The following RARB variants were observed in gnomAD, a reference collection of about 807,000 sequenced individuals.
RARB encodes the protein retinoic acid receptor beta, also known as HBV-activated protein.
In RARB, 17 loss-of-function variants were observed where a neutral mutation model predicts 51.9. The ratio of observed to expected loss-of-function variants is 0.33; its 90% CI spans 0.22 to 0.49. The LOEUF is 0.49. RARB is among the 20% of genes least tolerant of loss of function. The probability of loss-of-function intolerance (pLI) is 0.99; values close to 1 mark genes in which losing one functional copy is unlikely to be tolerated. For synonymous variants in RARB, 215 were observed against 195.4 expected, an observed-to-expected ratio of 1.10 and a Z score of -0.84; for missense variants, 369 against 550.8, an observed-to-expected ratio of 0.67 and a Z score of 3.30.
intron 2 of RARB, among the ~76,000 whole-genome samples, chr3:25,030,800 A>G (rs935019210): frequency 2.0e-5 from 3 of 152,332 alleles, no homozygotes; most frequent in Middle Eastern, 3.4e-3. Flanking sequence ...TCTGGTTTCT[A>G]TAACACTAAA....
At position 25,256,622 on chromosome 3, in the gene RARB, A is replaced by G. The variant is rs1421945358; in HGVS notation, c.178+82047A>G. ...GTTCAGAATTTTTATTTGAGCAAATATAAGTAGAAATGTATGACCAAAACT... is the reference window on the plus strand; with the variant it reads ...GTTCAGAATTTTTATTTGAGCAAATGTAAGTAGAAATGTATGACCAAAACT... On this transcript the variant is annotated intron_variant, in intron 5 of 11. Transcript: ENST00000383772. Among the ~76,000 whole-genome samples, 5 of 152,136 alleles carry G rather than the reference A, an allele frequency of 3.3e-5. No homozygotes were observed. The South Asian group carries it at 6.2e-4, about 19-fold the overall frequency.
chr3:25,002,704 CAT>C (rs1178201058), intron 2 of RARB, among the ~76,000 whole-genome samples: 1 of 151,398 alleles, frequency 6.6e-6, no homozygotes, highest in Admixed American at 6.6e-5. Context: ...CATGTATACA[CAT>C]AAATCTATAT....
At chr3:25,501,616 A>G (rs1443470593) in intron 3 of RARB, among the ~76,000 whole-genome samples, 1 of 152,238 alleles carries the variant, frequency 6.6e-6, no homozygotes, top group East Asian at 1.9e-4. Context: ...CATATTACAC[A>G]GTCACACGGT....
intron 5 of RARB, among the ~76,000 whole-genome samples, chr3:25,232,590 T>A (rs770393907): frequency 4.0e-4 from 61 of 152,154 alleles, no homozygotes; most frequent in Non-Finnish European, 7.8e-4. Context: ...GTCCATATAT[T>A]TTTTATATTT....
rs139416837 is a variant in RARB at position 24,960,856 on chromosome 3, C to G, written c.-379-99269C>G. Reference sequence around the variant, plus strand: ...AGATGTATGATTTCTGGCAGAGTATCTCTTGACATCCACATAAAAATGTTT... The same window carrying G: ...AGATGTATGATTTCTGGCAGAGTATGTCTTGACATCCACATAAAAATGTTT... On this transcript the variant is annotated intron_variant, in intron 2 of 11. Coordinates refer to the RARB transcript ENST00000383772. Among the ~76,000 whole-genome samples the G allele has an allele frequency of 1.4e-3, 219 of 151,724 alleles. No homozygotes were observed. The Middle Eastern group carries it at 0.024, about 16-fold the overall frequency.
chr3:25,365,691 A>T (rs565533887), intron 5 of RARB, among the ~76,000 whole-genome samples: 3 of 152,328 alleles, frequency 2.0e-5, no homozygotes, highest in East Asian at 1.9e-4. Context: ...CGTGTCTGTT[A>T]TCTGGGCTAG....
chr3:25,564,051 A>C (rs1039213229), intron 3 of RARB, among the ~76,000 whole-genome samples: 4 of 151,962 alleles, frequency 2.6e-5, no homozygotes, highest in Admixed American at 6.5e-5. Context: ...TCCTGCATTA[A>C]ATTTTTATTG....
chr3:24,902,032 T>G (rs1046116370), intron 2 of RARB, among the ~76,000 whole-genome samples: 1 of 151,580 alleles, frequency 6.6e-6, no homozygotes. Context: ...ATAACATATA[T>G]GAAAACATAC....
intron 4 of RARB, among the ~76,000 whole-genome samples, chr3:25,149,456 G>T (rs1184154605): frequency 6.6e-6 from 1 of 152,200 alleles, no homozygotes; most frequent in African/African-American, 2.4e-5. Flanking sequence ...GTGGGTGAGT[G>T]ACTTCTCCAA....
chr3:25,157,863 T>C (rs1559486320), intron 4 of RARB, among the ~76,000 whole-genome samples: 1 of 152,240 alleles, frequency 6.6e-6, no homozygotes, highest in Non-Finnish European at 1.5e-5. Context: ...CTCACCTCTT[T>C]ATTTGCACGG....
At chr3:25,463,747 C>T (rs1006884508) in intron 2 of RARB, among the ~76,000 whole-genome samples, 1 of 151,860 alleles carries the variant, frequency 6.6e-6, no homozygotes, top group Admixed American at 6.6e-5. Flanking sequence ...CTTTTCAAAC[C>T]ATTTAAATAA....
chr3:25,329,871 C>T (rs754186064), intron 5 of RARB, among the ~76,000 whole-genome samples: 6 of 152,070 alleles, frequency 3.9e-5, no homozygotes, highest in East Asian at 3.9e-4. Context: ...GATGCATGCA[C>T]AAGCTTCAGT....
intron 4 of RARB, among the ~76,000 whole-genome samples, chr3:25,165,806 T>G (rs1700551877): frequency 6.6e-6 from 1 of 152,208 alleles, no homozygotes. Flanking sequence ...CTATTTACAT[T>G]ACTACTCTCA....
chr3:25,284,095 A>C (rs1047404639), intron 5 of RARB, among the ~76,000 whole-genome samples: 9 of 152,200 alleles, frequency 5.9e-5, no homozygotes, highest in Admixed American at 6.5e-5. Flanking sequence ...TTGATGAAGT[A>C]AACTGCCATG....
chr3:24,899,961 C>A (rs1703565803), intron 2 of RARB, among the ~76,000 whole-genome samples: 1 of 151,862 alleles, frequency 6.6e-6, no homozygotes, highest in Admixed American at 6.6e-5. Flanking sequence ...ACATCATTGG[C>A]ACATTTATAT....
chr3:25,135,173 G>GTAGCCAC (rs1700013545), intron 4 of RARB, among the ~76,000 whole-genome samples: 1 of 151,792 alleles, frequency 6.6e-6, no homozygotes, highest in South Asian at 2.1e-4. Flanking sequence ...CATCGATAGA[G>GTAGCCAC]TAGCCACTAG....
intron 3 of RARB, among the ~76,000 whole-genome samples, chr3:25,131,557 G>C (rs1043025688): frequency 6.6e-6 from 1 of 151,848 alleles, no homozygotes; most frequent in Non-Finnish European, 1.5e-5. Flanking sequence ...AACCTGTCTG[G>C]CATGCTATAA....
chr3:25,192,032 C>A (rs1462300112), intron 5 of RARB, among the ~76,000 whole-genome samples: 1 of 151,964 alleles, frequency 6.6e-6, no homozygotes, highest in Admixed American at 6.6e-5. Context: ...AACAGCTTTG[C>A]AAAAGTGTAA....
chr3:24,897,508 CAAATTCGATAACTGTAAACTAT>C (rs1410370542), intron 2 of RARB, among the ~76,000 whole-genome samples: 1 of 152,106 alleles, frequency 6.6e-6, no homozygotes, highest in East Asian at 1.9e-4. Flanking sequence ...TTCTTCCTTT[CAAATTCGATAACTGTAAACTAT>C]AAAAGTATAG....
Sources: gnomAD v4.1 joint callset for allele counts (sites outside exome capture counted in the v4.1 genomes callset) on GRCh38, gnomAD v4.1.1 for gene constraint, MANE v1.5 for transcripts, NCBI Gene and HGNC (gene_info 2026-07-23, HGNC 2026-07-21) for gene names.